Variants in PRKCZ observed in about 807,000 individuals in gnomAD.
The protein encoded by PRKCZ is protein kinase C zeta type.
In PRKCZ, 33 loss-of-function variants were observed where a neutral mutation model predicts 79.5. The observed-to-expected ratio is 0.41, with a 90% CI of 0.31 to 0.55. PRKCZ has a LOEUF of 0.55. Among genes scored for constraint, PRKCZ ranks in the 20% least tolerant of loss-of-function variants. The pLI, the probability that PRKCZ is intolerant of heterozygous loss-of-function variation, is 0.19. For synonymous variants in PRKCZ, 342 were observed against 320.9 expected, an observed-to-expected ratio of 1.07 and a Z score of -0.70; for missense variants, 578 against 813.5, an observed-to-expected ratio of 0.71 and a Z score of 3.52.
chr1:2,150,837 G>T lies in PRKCZ; in HGVS notation c.735G>T (p.Gln245His). 4 of 1,614,208 alleles carry T rather than the reference G, an allele frequency of 2.5e-6. No homozygotes were observed. Among genetic ancestry groups the T allele is most frequent in the Non-Finnish European group, 3.4e-6 (4 of 1,180,036 alleles). The change falls in exon 9 of 18, where the codon CAG (glutamine) becomes CAT (histidine). Residue 245 changes from glutamine (Q) to histidine (H), a missense_variant. Transcript: ENST00000378567. ...IDGMDGIKIS[Q>H]GLGLQDFDLI... The stretch of plus-strand genomic sequence containing the variant: ...GGATGGATGGAATCAAAATCTCTCA[G>T]GGGCTTGGGCTGCAGGACTTTGACC...
In PRKCZ at chr1:2,163,749, A is replaced by T. The variant is rs61776608; in HGVS notation, c.975-5769A>T. ...ACTAAAAATACAAAAAAAAAAAAAAATTAGCCAGGTGTGGTGGTGGGTGCC... is the reference window on the plus strand; with the variant it reads ...ACTAAAAATACAAAAAAAAAAAAAATTTAGCCAGGTGTGGTGGTGGGTGCC... On this transcript the variant is annotated intron_variant, in intron 10 of 17. Transcript: ENST00000378567. Among the ~76,000 whole-genome samples the T allele has an allele frequency of 2.1e-5, 3 of 145,718 alleles. No individual in the cohort carries two copies. In the Admixed American group the frequency reaches 2.1e-4, roughly 10 times the overall value.
intron 1 of PRKCZ, among the ~76,000 whole-genome samples, chr1:2,051,964 T>G (rs573762873): frequency 9.2e-5 from 14 of 152,268 alleles, no homozygotes; most frequent in African/African-American, 2.9e-4. Flanking sequence ...TCTGGGGGAC[T>G]GACCGTCCAG....
chr1:2,118,555 T>C (rs1342913540), intron 4 of PRKCZ, among the ~76,000 whole-genome samples: 5 of 151,770 alleles, frequency 3.3e-5, no homozygotes, highest in Non-Finnish European at 7.4e-5. Flanking sequence ...GCCAGGATGG[T>C]CTCGATCTCC....
At chr1:2,129,316 G>C (rs1331892933) in intron 4 of PRKCZ, among the ~76,000 whole-genome samples, 1 of 152,206 alleles carries the variant, frequency 6.6e-6, no homozygotes, top group East Asian at 1.9e-4. Context: ...CTCACCTTGA[G>C]AAAAATATCA....
At chr1:2,080,321 G>A (rs1048399481) in intron 4 of PRKCZ, among the ~76,000 whole-genome samples, 5 of 123,932 alleles carry the variant, frequency 4.0e-5, no homozygotes, top group Admixed American at 3.7e-4. Context: ...CTTTAGGTAG[G>A]GGCAGTGCGC....
chr1:2,085,406 G>A (rs16824752), intron 4 of PRKCZ, among the ~76,000 whole-genome samples: 28,579 of 152,246 alleles, frequency 0.19, 3,619 homozygotes, highest in East Asian at 0.61. Context: ...ACCTGGGTCC[G>A]CAGCCCGCCA....
At chr1:2,056,707 C>A in intron 3 of PRKCZ, 134 bp downstream of exon 3, 1 of 726,896 alleles carries the variant, frequency 1.4e-6, no homozygotes, top group Non-Finnish European at 2.1e-6. Flanking sequence ...TAATATAATG[C>A]CATTTGGGTT....
intron 4 of PRKCZ, among the ~76,000 whole-genome samples, chr1:2,113,851 G>A (rs1670215905): frequency 2.6e-5 from 4 of 152,122 alleles, no homozygotes; most frequent in Admixed American, 2.6e-4. Flanking sequence ...AGGCACTGGT[G>A]TTGGGGCAGG....
At chr1:2,058,159 G>GCC (rs1660352974) in intron 3 of PRKCZ, among the ~76,000 whole-genome samples, 1 of 152,134 alleles carries the variant, frequency 6.6e-6, no homozygotes, top group African/African-American at 2.4e-5. Flanking sequence ...GAGCCACGGT[G>GCC]CCCGGCCTAA....
intron 4 of PRKCZ, among the ~76,000 whole-genome samples, chr1:2,100,909 A>G (rs1361865809): frequency 4.0e-5 from 6 of 151,646 alleles, no homozygotes; most frequent in Admixed American, 3.3e-4. Context: ...GGCTGTCCCT[A>G]TATGATGTGG....
chr1:2,059,853 T>G (rs1047423499), intron 4 of PRKCZ, among the ~76,000 whole-genome samples: 4 of 152,046 alleles, frequency 2.6e-5, no homozygotes, highest in Non-Finnish European at 5.9e-5. Flanking sequence ...GCCGTCTCCC[T>G]AGGAGGGAGG....
rs1014600778 is a variant in PRKCZ at position 2,174,268 on chromosome 1, C to T, written c.1405+252C>T. 5.3e-5 allele frequency among the ~76,000 whole-genome samples: 8 copies of T among 152,200 alleles called. No individual in the cohort carries two copies. The highest frequency in any genetic ancestry group is 1.9e-4 in the African/African-American group (8 of 41,462). ...CAGCTCCAACTCCCTCCTGCCCTGG[C>T]CAGCAGCACATGCTGGAGCCCCAGC... On this transcript the variant is annotated intron_variant, in intron 14 of 17. Transcript: ENST00000378567. The surrounding 1 kb of genome is among the most constrained non-coding windows in gnomAD (Gnocchi z 6.2).
At chr1:2,132,404 A>G (rs1465990588) in intron 4 of PRKCZ, among the ~76,000 whole-genome samples, 2 of 152,156 alleles carry the variant, frequency 1.3e-5, no homozygotes, top group Non-Finnish European at 2.9e-5. Context: ...GCCGGGCCCT[A>G]GGGGGAGCAA....
intron 3 of PRKCZ, among the ~76,000 whole-genome samples, chr1:2,056,889 C>T (rs951650373): frequency 2.2e-4 from 34 of 151,896 alleles, no homozygotes; most frequent in Non-Finnish European, 4.1e-4. Flanking sequence ...CCACCACGCC[C>T]GGCTAATTTT....
At chr1:2,079,193 C>T (rs917103752) in intron 4 of PRKCZ, among the ~76,000 whole-genome samples, 3 of 152,216 alleles carry the variant, frequency 2.0e-5, no homozygotes, top group Non-Finnish European at 2.9e-5. Flanking sequence ...AAAGGCATAT[C>T]GCACTTTTTC....
chr1:2,126,916 G>A (rs1207379241), intron 4 of PRKCZ, among the ~76,000 whole-genome samples: 4 of 152,200 alleles, frequency 2.6e-5, no homozygotes, highest in Admixed American at 2.0e-4. Context: ...ATTGTGCTGC[G>A]CCGTGTGGCC....
chr1:2,131,907 G>C (rs1401356340), intron 4 of PRKCZ, among the ~76,000 whole-genome samples: 2 of 152,222 alleles, frequency 1.3e-5, no homozygotes, highest in Admixed American at 6.5e-5. Flanking sequence ...CACCTCCCGG[G>C]TTCACGCCAT....
intron 4 of PRKCZ, among the ~76,000 whole-genome samples, chr1:2,131,326 C>T (rs762973209): frequency 7.9e-5 from 12 of 152,084 alleles, no homozygotes; most frequent in Non-Finnish European, 1.3e-4. Flanking sequence ...ATTTGAAGGC[C>T]GGGCACAGTG....
chr1:2,056,457 G>A (rs746855469), intron 2 of PRKCZ, 27 bp from the exon 3 acceptor site: 43 of 1,606,412 alleles, frequency 2.7e-5, no homozygotes, highest in South Asian at 4.4e-5. Flanking sequence ...CTTCGGCGAC[G>A]TCAGCACCGT....
Sources: gnomAD v4.1 joint callset for allele counts (sites outside exome capture counted in the v4.1 genomes callset) on GRCh38, gnomAD v4.1.1 for gene constraint, Gnocchi (gnomAD v3.1) non-coding constraint, MANE v1.5 for transcripts, NCBI Gene and HGNC (gene_info 2026-07-23, HGNC 2026-07-21) for gene names.